Variants in ANXA7 observed in about 807,000 individuals in gnomAD.
ANXA7 encodes the protein annexin A7.
A neutral mutation model predicts 64.9 loss-of-function variants in ANXA7; 55 were observed. The observed-to-expected ratio is 0.85, with a 90% CI of 0.68 to 1.06. The LOEUF is 1.06. Ranked by LOEUF, ANXA7 falls within the 50% of genes least tolerant of loss-of-function variation. The pLI is 0.00. For missense variants in ANXA7, 548 were observed against 582.1 expected, an observed-to-expected ratio of 0.94 and a Z score of 0.60; for synonymous variants, 200 against 192.4, an observed-to-expected ratio of 1.04 and a Z score of -0.33.
rs1554815191 is a variant in ANXA7, at chr10:73,376,158, T to C, written c.1338A>G (p.Thr446=). The stretch of plus-strand genomic sequence containing the variant: ...CTCCACTCGTGTCACCTGCAATCAT[T>C]GTGCCCAGAGTCTTCTGATACATCT... ...FAQMYQKTLG[T]MIAGDTSGDY... is the part of the protein sequence containing the mutation. Residue 446 remains threonine, a synonymous_variant, in exon 13 of 13, where the codon ACA becomes ACG. Coordinates refer to ENST00000372921, the MANE Select transcript of ANXA7 (RefSeq NM_001156.5). 3.1e-6 allele frequency: 5 copies of C among 1,610,048 alleles called. No individual in the cohort carries two copies. In the South Asian group the frequency reaches 4.5e-5, roughly 14 times the overall value.
At position 73,387,740 on chromosome 10, in the gene ANXA7, G is replaced by A. The variant is rs778355909; in HGVS notation, c.582C>T (p.Ser194=). 6.2e-7 allele frequency: 1 copy of A among 1,613,912 alleles called. No individual in the cohort carries two copies. The highest frequency in any genetic ancestry group is 1.1e-5 in the South Asian group (1 of 91,086). ...CTTTAATTTTTTGCCTCTGATCATT[G>A]GAACGGTTGGCCACCACATCCACAA... The part of the protein sequence containing the change: ...QAIVDVVANR[S]NDQRQKIKAA... Residue 194 remains serine (S), a synonymous_variant, in exon 7 of 13, where the codon TCC becomes TCT. Transcript: ENST00000372921.
At chr10:73,396,482 C>T (rs368091460) in intron 5 of ANXA7, 37 bp downstream of exon 5, 3 of 1,476,886 alleles carry the variant, frequency 2.0e-6, no homozygotes, top group Non-Finnish European at 1.9e-6. Flanking sequence ...CTTTATCTAG[C>T]TACCTAGAGT....
At chr10:73,406,701 C>A (rs2055763120) in intron 1 of ANXA7, among the ~76,000 whole-genome samples, 1 of 152,082 alleles carries the variant, frequency 6.6e-6, no homozygotes, top group Non-Finnish European at 1.5e-5. Context: ...TCCTGAAGAG[C>A]TAAGACTACA....
chr10:73,390,103 T>C (rs760505694), intron 5 of ANXA7, among the ~76,000 whole-genome samples: 1 of 152,216 alleles, frequency 6.6e-6, no homozygotes, highest in African/African-American at 2.4e-5. Flanking sequence ...AAAACACACA[T>C]ATACACACAC....
chr10:73,406,411 T>C (rs2055759521), intron 1 of ANXA7, among the ~76,000 whole-genome samples: 2 of 152,174 alleles, frequency 1.3e-5, no homozygotes, highest in Admixed American at 1.3e-4. Context: ...ACCCTCCCAA[T>C]TTTCTCAGAC....
chr10:73,379,118 T>C, intron 11 of ANXA7, 95 bp from the exon 12 acceptor site: 1 of 800,874 alleles, frequency 1.2e-6, no homozygotes, highest in South Asian at 1.9e-5. Context: ...CCTTTGATTA[T>C]TTTCTCTGTA....
chr10:73,404,609 G>C (rs1287432063), intron 1 of ANXA7, among the ~76,000 whole-genome samples: 3 of 152,086 alleles, frequency 2.0e-5, no homozygotes, highest in Admixed American at 1.3e-4. Flanking sequence ...CTCACGCTGG[G>C]TGATGAGTAC....
chr10:73,400,758 C>G, intron 2 of ANXA7, 45 bp downstream of exon 2: 2 of 1,503,158 alleles, frequency 1.3e-6, no homozygotes, highest in Non-Finnish European at 9.1e-7. Flanking sequence ...CAGTCCCAAA[C>G]AACACCTGTT....
intron 1 of ANXA7, among the ~76,000 whole-genome samples, chr10:73,411,921 T>C (rs2055847959): frequency 6.6e-6 from 1 of 151,108 alleles, no homozygotes; most frequent in African/African-American, 2.4e-5. Flanking sequence ...CCATTATGTG[T>C]AAAAAATGCA....
intron 12 of ANXA7, 98 bp from the exon 13 acceptor site, chr10:73,376,315 C>T: frequency 3.3e-6 from 4 of 1,208,642 alleles, no homozygotes; most frequent in Admixed American, 6.3e-5. Context: ...ATAATCAAAA[C>T]TTGGGGGGGA....
At position 73,377,212 on chromosome 10, in the gene ANXA7, G is replaced by GT. The variant is rs576459326; in HGVS notation, c.1279-996dup. Among the ~76,000 whole-genome samples, 175 of 152,062 alleles carry GT rather than the reference G, an allele frequency of 1.2e-3. 4 individuals are homozygous for GT. The South Asian group carries it at 0.017, about 15-fold the overall frequency. ...TTGAAAATTTAAGTTAAAGAACAAA[G>GT]TTTTTTTCAAAATACCATATTCTGG... is the stretch of plus-strand genomic sequence containing the variant. On this transcript the variant is annotated intron_variant, in intron 12 of 12. Coordinates refer to ENST00000372921, the MANE Select transcript of ANXA7 (RefSeq NM_001156.5).
chr10:73,406,274 T>C (rs192748293), intron 1 of ANXA7, among the ~76,000 whole-genome samples: 2 of 152,202 alleles, frequency 1.3e-5, no homozygotes, highest in African/African-American at 4.8e-5. Flanking sequence ...TGTTTTTCTA[T>C]CCATCCTTTG....
intron 11 of ANXA7, among the ~76,000 whole-genome samples, chr10:73,379,470 C>G (rs1042574089): frequency 8.5e-5 from 13 of 152,238 alleles, no homozygotes; most frequent in African/African-American, 2.9e-4. Flanking sequence ...ATGAGTCTCA[C>G]TGGGCTGAGT....
At chr10:73,410,153 G>C (rs2055816732) in intron 1 of ANXA7, among the ~76,000 whole-genome samples, 1 of 151,934 alleles carries the variant, frequency 6.6e-6, no homozygotes, top group Non-Finnish European at 1.5e-5. Context: ...AAAATAAATA[G>C]ATGGGACCTA....
In ANXA7 at chr10:73,395,973, A is replaced by G. The variant is rs2055564258; in HGVS notation, c.435+546T>C. The G allele has an allele frequency of 6.4e-6, 6 of 939,742 alleles. No homozygotes were observed. The South Asian group carries it at 6.6e-5, about 10-fold the overall frequency. The allele number at this position is 939,742 out of a possible 1,614,324, so 58.2% of individuals were successfully genotyped here. On this transcript the variant is annotated intron_variant, in intron 5 of 12. Coordinates refer to ENST00000372921, the MANE Select transcript of ANXA7 (RefSeq NM_001156.5). ...CCTTAAGAAGTAGTGAGAGACAAGT[A>G]CATGAGAATCAGAAACAAAGGCACA... is the stretch of plus-strand genomic sequence containing the variant.
chr10:73,377,701 T>C (rs1369976476), intron 12 of ANXA7: 1 of 151,410 alleles, frequency 6.6e-6, no homozygotes, highest in East Asian at 2.0e-4. Flanking sequence ...AGCCTTGACC[T>C]TCCAGGCTCA....
intron 1 of ANXA7, among the ~76,000 whole-genome samples, chr10:73,409,868 A>T (rs536808928): frequency 1.2e-4 from 18 of 152,222 alleles, no homozygotes; most frequent in Non-Finnish European, 2.4e-4. Flanking sequence ...CCAAATACAT[A>T]CAGCCAACTG....
At chr10:73,377,767 G>T (rs901246226) in intron 12 of ANXA7, among the ~76,000 whole-genome samples, 20 of 114,222 alleles carry the variant, frequency 1.8e-4, no homozygotes, top group Non-Finnish European at 2.9e-4. Flanking sequence ...CCGGGGGGTG[G>T]GTGTGGGTGT....
Position 73,380,111 on chromosome 10 carries a change from TC to T in ANXA7, c.1008del (p.Thr337ProfsTer8). On this transcript the variant is annotated frameshift_variant, in exon 10 of 13. Transcript: ENST00000372921. LOFTEE classifies it high-confidence loss of function. ...RLYQAGEGRL[G>X]TDESCFNMIL... is the part of the protein sequence containing the mutation. ...ATCATGTTAAAGCAAGATTCATCGGTCCCTAGTCTCCCCTCACCAGCTTGAT... is the reference window on the plus strand; with the variant it reads ...ATCATGTTAAAGCAAGATTCATCGGTCCTAGTCTCCCCTCACCAGCTTGAT... 6.2e-7 allele frequency: 1 copy of T among 1,614,158 alleles called. No individual in the cohort carries two copies. The highest frequency in any genetic ancestry group is 8.5e-7 in the Non-Finnish European group (1 of 1,180,022).
Sources: allele counts gnomAD v4.1 joint callset (sites outside exome capture counted in the v4.1 genomes callset), GRCh38; gene constraint gnomAD v4.1.1; transcripts MANE v1.5; gene names NCBI Gene and HGNC (gene_info 2026-07-23, HGNC 2026-07-21).